RORA: variants seen among roughly 807,000 people sequenced by gnomAD.
The protein encoded by RORA is nuclear receptor ROR-alpha.
A neutral mutation model predicts 69.5 loss-of-function variants in RORA; 7 were observed. The ratio of observed to expected loss-of-function variants is 0.10; its 90% CI spans 0.06 to 0.19. The LOEUF (loss-of-function observed/expected upper bound fraction) is 0.19, where lower values mean the gene tolerates loss of function less well. RORA is among the 10% of genes least tolerant of loss of function. RORA has a pLI of 1.00. For synonymous variants in RORA, 261 were observed against 240.8 expected, an observed-to-expected ratio of 1.08 and a Z score of -0.78; for missense variants, 457 against 663.0, an observed-to-expected ratio of 0.69 and a Z score of 3.41.
intron 1 of RORA, among the ~76,000 whole-genome samples, chr15:60,799,535 G>A (rs987616793): frequency 6.6e-6 from 1 of 151,884 alleles, no homozygotes; most frequent in Non-Finnish European, 1.5e-5. Flanking sequence ...TCTTCTGATC[G>A]ATTCATATTT....
At chr15:60,653,680 T>C (rs2070180261) in intron 2 of RORA, among the ~76,000 whole-genome samples, 1 of 152,194 alleles carries the variant, frequency 6.6e-6, no homozygotes, top group South Asian at 2.1e-4. Flanking sequence ...GTTGAGCCCA[T>C]GGTAATGGAC....
intron 2 of RORA, among the ~76,000 whole-genome samples, chr15:60,576,909 A>C (rs529742226): frequency 6.6e-6 from 1 of 152,282 alleles, no homozygotes; most frequent in South Asian, 2.1e-4. Context: ...TTTCCTCCAC[A>C]CCAGCCCAAA....
chr15:60,613,758 A>G (rs2069156137), intron 2 of RORA, among the ~76,000 whole-genome samples: 1 of 146,852 alleles, frequency 6.8e-6, no homozygotes, highest in Non-Finnish European at 1.5e-5. Flanking sequence ...TACAGCCACA[A>G]AGTCACCTGA....
chr15:60,822,171 T>C (rs1326202825), intron 1 of RORA, among the ~76,000 whole-genome samples: 2 of 152,236 alleles, frequency 1.3e-5, no homozygotes, highest in African/African-American at 2.4e-5. Flanking sequence ...ATTTCACTCT[T>C]ACTTCCACAA....
At chr15:61,216,702 A>C (rs905133634) in intron 1 of RORA, among the ~76,000 whole-genome samples, 5 of 152,228 alleles carry the variant, frequency 3.3e-5, no homozygotes, top group Non-Finnish European at 5.9e-5. Context: ...GGAAGAAGCC[A>C]GACAGGTATG....
intron 1 of RORA, among the ~76,000 whole-genome samples, chr15:60,705,371 C>T (rs35981908): frequency 7.9e-4 from 121 of 152,308 alleles, no homozygotes; most frequent in Admixed American, 2.0e-3. Context: ...AAATTTTCCA[C>T]TCATAACTTA....
intron 1 of RORA, among the ~76,000 whole-genome samples, chr15:60,797,832 G>A (rs1490774384): frequency 2.6e-5 from 4 of 152,184 alleles, no homozygotes; most frequent in African/African-American, 9.7e-5. Flanking sequence ...CAAGAGGCCG[G>A]TGAGGCTGCT....
chr15:61,059,822 G>A (rs967803834), intron 1 of RORA, among the ~76,000 whole-genome samples: 1 of 151,696 alleles, frequency 6.6e-6, no homozygotes, highest in African/African-American at 2.4e-5. Flanking sequence ...CAAGAAAAAG[G>A]GATTTGGTTA....
intron 2 of RORA, among the ~76,000 whole-genome samples, chr15:60,575,195 T>C (rs1349997016): frequency 1.3e-5 from 2 of 152,180 alleles, no homozygotes; most frequent in African/African-American, 2.4e-5. Context: ...TATTAAGTCT[T>C]AGAAGACCTT....
chr15:60,506,428 G>C (rs1306575552), intron 5 of RORA, among the ~76,000 whole-genome samples: 1 of 152,198 alleles, frequency 6.6e-6, no homozygotes, highest in African/African-American at 2.4e-5. Flanking sequence ...GGCCAAAGAA[G>C]TTTTCTCTAG....
intron 1 of RORA, among the ~76,000 whole-genome samples, chr15:60,990,183 C>T (rs1304167570): frequency 2.0e-5 from 3 of 152,026 alleles, no homozygotes; most frequent in Non-Finnish European, 4.4e-5. Context: ...TCCAATTATG[C>T]CCTAATGCAC....
At chr15:61,059,416 T>C (rs1176887071) in intron 1 of RORA, among the ~76,000 whole-genome samples, 2 of 152,246 alleles carry the variant, frequency 1.3e-5, no homozygotes, top group Middle Eastern at 6.3e-3. Flanking sequence ...TAATATTTAA[T>C]TGTTACTCTT....
intron 1 of RORA, among the ~76,000 whole-genome samples, chr15:60,935,708 C>T (rs1379989669): frequency 6.6e-6 from 1 of 152,186 alleles, no homozygotes; most frequent in Non-Finnish European, 1.5e-5. Flanking sequence ...CATAAAGTTA[C>T]CAGTCCAGAT....
intron 1 of RORA, among the ~76,000 whole-genome samples, chr15:60,786,839 AGTGCAG>A (rs2072341458): frequency 6.6e-6 from 1 of 152,214 alleles, no homozygotes; most frequent in Non-Finnish European, 1.5e-5. Flanking sequence ...CAGCTGTGCG[AGTGCAG>A]GTAAAGTCTT....
At chr15:60,639,219 ATTTTTTTTT>A (rs71122868) in intron 2 of RORA, among the ~76,000 whole-genome samples, 2 of 131,342 alleles carry the variant, frequency 1.5e-5, no homozygotes, top group Non-Finnish European at 1.6e-5. Flanking sequence ...AGGTTTTTGT[ATTTTTTTTT>A]TTTTTTTTTT....
At chr15:61,056,546 C>T (rs2078099285) in intron 1 of RORA, among the ~76,000 whole-genome samples, 2 of 152,146 alleles carry the variant, frequency 1.3e-5, no homozygotes, top group South Asian at 2.1e-4. Context: ...TTGGATCAAC[C>T]ATGATGTGAT....
At chr15:60,852,024 A>G (rs921043526) in intron 1 of RORA, among the ~76,000 whole-genome samples, 4 of 152,184 alleles carry the variant, frequency 2.6e-5, no homozygotes, top group Non-Finnish European at 5.9e-5. Flanking sequence ...GCTGGGGAAC[A>G]AGCAACACTA....
intron 2 of RORA, among the ~76,000 whole-genome samples, chr15:60,645,853 T>A (rs1276874372): frequency 6.6e-6 from 1 of 151,998 alleles, no homozygotes; most frequent in Non-Finnish European, 1.5e-5. Flanking sequence ...TTATCATACA[T>A]ATATACAGCA....
rs141786462 is a variant in RORA, at chr15:60,840,705, C to A, written c.167-162019G>T. Among the ~76,000 whole-genome samples the A allele has an allele frequency of 6.5e-3, 992 of 152,368 alleles. 15 individuals carry two copies. Among genetic ancestry groups the A allele is most frequent in the African/African-American group, 0.023 (947 of 41,590 alleles). On this transcript the variant is annotated intron_variant, in intron 1 of 10. Transcript: ENST00000335670. ...GAGCTCTGTGTTCACAGCACATCTT[C>A]TTACCCAGCCTCTCTGGACATCCCA...
Sources: allele counts gnomAD v4.1 joint callset (sites outside exome capture counted in the v4.1 genomes callset), GRCh38; gene constraint gnomAD v4.1.1; transcripts MANE v1.5; gene names NCBI Gene and HGNC (gene_info 2026-07-23, HGNC 2026-07-21).